The following UNC79 variants were observed in gnomAD, a reference collection of about 807,000 sequenced individuals.
The protein encoded by UNC79 is unc-79 subunit of NALCN channel complex.
UNC79 carries 37 observed loss-of-function variants against 283.1 expected under a neutral mutation model. The observed-to-expected ratio is 0.13, with a 90% CI of 0.10 to 0.17. The LOEUF is 0.17. Ranked by LOEUF, UNC79 falls within the 10% of genes least tolerant of loss-of-function variation. The probability of loss-of-function intolerance (pLI) is 1.00; values close to 1 mark genes in which losing one functional copy is unlikely to be tolerated. For synonymous variants in UNC79, 1,107 were observed against 1,200.2 expected, an observed-to-expected ratio of 0.92 and a Z score of 1.61; for missense variants, 2,272 against 3,211.1, an observed-to-expected ratio of 0.71 and a Z score of 7.07.
rs570589086 is a variant in UNC79 at position 93,371,023 on chromosome 14, C to T, written c.-351+37500C>T. On this transcript the variant is annotated intron_variant, in intron 1 of 49. Transcript: ENST00000256339. ...AACACCAAACTCCACATCCAGGAAG[C>T]TCAGAGACACAAAGCAAGGTATGCT... 1.8e-3 allele frequency among the ~76,000 whole-genome samples: 270 copies of T among 152,190 alleles called. 1 individual carries two copies. The Middle Eastern group carries it at 0.031, about 17-fold the overall frequency.
intron 14 of UNC79, among the ~76,000 whole-genome samples, chr14:93,545,861 G>C (rs1255386346): frequency 6.6e-6 from 1 of 152,164 alleles, no homozygotes; most frequent in Non-Finnish European, 1.5e-5. Context: ...TCTCATCAAA[G>C]GCTTGTAGGT....
At chr14:93,637,923 G>C (rs889243635) in intron 32 of UNC79, among the ~76,000 whole-genome samples, 1 of 152,148 alleles carries the variant, frequency 6.6e-6, no homozygotes, top group Non-Finnish European at 1.5e-5. Context: ...GAATATTGAG[G>C]TCATAGGCTA....
intron 26 of UNC79, among the ~76,000 whole-genome samples, chr14:93,609,487 G>T (rs1203240871): frequency 6.6e-6 from 1 of 152,206 alleles, no homozygotes; most frequent in East Asian, 1.9e-4. Context: ...CACATTAAAG[G>T]TATGGTAGGA....
At chr14:93,684,145 G>A (rs1323737814) in intron 42 of UNC79, among the ~76,000 whole-genome samples, 1 of 152,044 alleles carries the variant, frequency 6.6e-6, no homozygotes, top group Non-Finnish European at 1.5e-5. Context: ...AAATCTCTAG[G>A]ACTTACTCAC....
chr14:93,400,696 GTGCTTACTCTAA>G (rs2055091364), intron 1 of UNC79, among the ~76,000 whole-genome samples: 3 of 152,130 alleles, frequency 2.0e-5, no homozygotes, highest in Admixed American at 1.3e-4. Flanking sequence ...TCGCTTTAGG[GTGCTTACTCTAA>G]ATCATGCTGG....
intron 40 of UNC79, among the ~76,000 whole-genome samples, chr14:93,666,805 G>T (rs2072252118): frequency 6.6e-6 from 1 of 152,104 alleles, no homozygotes; most frequent in African/African-American, 2.4e-5. Flanking sequence ...TAAAAATGTG[G>T]AAGATTTTAA....
intron 7 of UNC79, among the ~76,000 whole-genome samples, chr14:93,522,256 C>T (rs979459892): frequency 2.6e-5 from 4 of 151,984 alleles, no homozygotes; most frequent in Non-Finnish European, 5.9e-5. Flanking sequence ...TTAATTCTTC[C>T]CATAAGTGTC....
chr14:93,707,093 T>G, downstream of UNC79: 1 of 558,432 alleles, frequency 1.8e-6, no homozygotes, highest in South Asian at 3.9e-5. Flanking sequence ...TTCTGATGAC[T>G]CCTTGGGCTA....
chr14:93,512,264 A>G (rs1019477276), intron 7 of UNC79, among the ~76,000 whole-genome samples: 4 of 152,102 alleles, frequency 2.6e-5, no homozygotes, highest in African/African-American at 9.7e-5. Context: ...TATTCTTGTA[A>G]TTGTACCTCT....
chr14:93,401,811 T>G (rs539052373), intron 1 of UNC79, among the ~76,000 whole-genome samples: 8 of 152,306 alleles, frequency 5.3e-5, no homozygotes, highest in African/African-American at 1.9e-4. Context: ...TAAGGTCTAG[T>G]TCTGGACTGG....
At chr14:93,510,016 A>G (rs546428057) in intron 7 of UNC79, among the ~76,000 whole-genome samples, 2 of 152,206 alleles carry the variant, frequency 1.3e-5, no homozygotes, top group African/African-American at 2.4e-5. Context: ...CCAAGCCTCA[A>G]CTCTTGCCCT....
At chr14:93,703,593 A>C (rs1270551537) in intron 47 of UNC79, among the ~76,000 whole-genome samples, 1 of 152,196 alleles carries the variant, frequency 6.6e-6, no homozygotes, top group East Asian at 1.9e-4. Context: ...CCCATTTCCA[A>C]ATAAGGTCAC....
intron 1 of UNC79, among the ~76,000 whole-genome samples, chr14:93,377,734 TCTA>T (rs2054590094): frequency 6.6e-6 from 1 of 152,154 alleles, no homozygotes; most frequent in African/African-American, 2.4e-5. Flanking sequence ...AAAGGGGTAA[TCTA>T]CTCATAATCC....
chr14:93,437,719 G>A (rs891484493), intron 1 of UNC79, among the ~76,000 whole-genome samples: 1 of 152,042 alleles, frequency 6.6e-6, no homozygotes, highest in Non-Finnish European at 1.5e-5. Flanking sequence ...TAGCTTCTGG[G>A]GGTTTCTGGC....
At chr14:93,677,899 C>T (rs763129318) in intron 41 of UNC79, among the ~76,000 whole-genome samples, 1 of 152,178 alleles carries the variant, frequency 6.6e-6, no homozygotes. Context: ...ATGCCTGCCT[C>T]GGCCTCCCAA....
intron 14 of UNC79, among the ~76,000 whole-genome samples, chr14:93,563,397 G>A (rs1351546390): frequency 6.6e-6 from 1 of 152,194 alleles, no homozygotes; most frequent in African/African-American, 2.4e-5. Flanking sequence ...CACTAATGAT[G>A]GAGGACCCTT....
At chr14:93,484,505 G>A (rs2058312108) in intron 4 of UNC79, among the ~76,000 whole-genome samples, 1 of 151,948 alleles carries the variant, frequency 6.6e-6, no homozygotes, top group African/African-American at 2.4e-5. Context: ...ACATATTAAG[G>A]CATTGTTACT....
intron 35 of UNC79, among the ~76,000 whole-genome samples, chr14:93,647,085 A>G (rs2069695628): frequency 6.6e-6 from 1 of 152,196 alleles, no homozygotes; most frequent in African/African-American, 2.4e-5. Context: ...TAGTCTATCC[A>G]TGAAGCCAAT....
At position 93,686,798 on chromosome 14, in the gene UNC79, G is replaced by T. The variant is rs77719039; in HGVS notation, c.6909+137G>T. The T allele has an allele frequency of 3.4e-3, 3,053 of 895,534 alleles. 61 individuals carry two copies. In the African/African-American group the frequency reaches 0.046, roughly 13 times the overall value. The allele number at this position is 895,534 out of a possible 1,614,324, so 55.5% of individuals were successfully genotyped here. A position where few individuals can be genotyped will look rare whatever the true frequency, so the allele number is the denominator to read the frequency against. On this transcript the variant is annotated intron_variant, in intron 43 of 48. Coordinates refer to ENST00000555664, the Ensembl canonical transcript of UNC79. ...TGTTGAATGAGCCCCTGTCTTGGGG[G>T]ATCAAAGAGCCAGGGTCCAGCTTTG... is the stretch of plus-strand genomic sequence containing the variant.
Sources: allele counts gnomAD v4.1 joint callset (sites outside exome capture counted in the v4.1 genomes callset), GRCh38; gene constraint gnomAD v4.1.1; transcripts MANE v1.5; gene names NCBI Gene and HGNC (gene_info 2026-07-23, HGNC 2026-07-21).